SEZ6L: variants seen among roughly 807,000 people sequenced by gnomAD.
The protein encoded by SEZ6L is seizure related 6 homolog like, also known as seizure 6-like protein.
A neutral mutation model predicts 106.2 loss-of-function variants in SEZ6L; 37 were observed. The ratio of observed to expected loss-of-function variants is 0.35; its 90% CI spans 0.27 to 0.46. SEZ6L has a LOEUF of 0.46. SEZ6L is among the 20% of genes least tolerant of loss of function. SEZ6L has a pLI of 1.00. For synonymous variants in SEZ6L, 541 were observed against 570.4 expected (o/e 0.95, Z 0.73); for missense variants, 1,172 against 1,332.8 (o/e 0.88, Z 1.88).
At chr22:26,262,744 C>T (rs1014634998) in intron 1 of SEZ6L, among the ~76,000 whole-genome samples, 2 of 152,054 alleles carry the variant, frequency 1.3e-5, no homozygotes, top group Admixed American at 6.5e-5. Context: ...GTGCATGGGT[C>T]GATGGGGGAG....
intron 1 of SEZ6L, among the ~76,000 whole-genome samples, chr22:26,193,095 A>G (rs550013115): frequency 2.6e-5 from 4 of 152,074 alleles, no homozygotes; most frequent in Non-Finnish European, 5.9e-5. Context: ...CATTGGGAAC[A>G]TTTTTTTTCC....
chr22:26,338,838 G>T (rs1395890050), intron 9 of SEZ6L, among the ~76,000 whole-genome samples: 1 of 133,708 alleles, frequency 7.5e-6, no homozygotes, highest in African/African-American at 2.7e-5. Flanking sequence ...TTATAGGCGT[G>T]AGCCACCACG....
chr22:26,304,362 AAAGAAAG>A (rs1312171119), intron 5 of SEZ6L, among the ~76,000 whole-genome samples: 4 of 127,816 alleles, frequency 3.1e-5, no homozygotes, highest in South Asian at 5.2e-4. Flanking sequence ...AAAAAAAAAA[AAAGAAAG>A]AAGAAAGAAA....
In SEZ6L at chr22:26,294,436, G is replaced by T. The variant is rs1247147811; in HGVS notation, c.969+11G>T. On this transcript the variant is annotated intron_variant, in intron 3 of 16. Transcript: ENST00000248933. ...GGGGTGGAGCTCCAGGTAACCCCAG[G>T]AGAGTACCTCACAGAGGCTGCCTCG... 1.9e-6 allele frequency: 3 copies of T among 1,613,138 alleles called. No individual in the cohort carries two copies. The highest frequency in any genetic ancestry group is 4.5e-5 in the East Asian group (2 of 44,854).
intron 6 of SEZ6L, 26 bp downstream of exon 6, chr22:26,306,170 ACCCCGTTTCTT>A (rs1569455478): frequency 6.2e-7 from 1 of 1,606,172 alleles, no homozygotes. Flanking sequence ...TCCACACCCA[ACCCCGTTTCTT>A]CCCAGAATAT....
chr22:26,291,613 T>C, intron 1 of SEZ6L, among the ~76,000 whole-genome samples: 1 of 152,104 alleles, frequency 6.6e-6, no homozygotes, highest in Non-Finnish European at 1.5e-5. Flanking sequence ...AATTTAAATT[T>C]AAAAAAACTC....
Position 26,265,823 on chromosome 22 carries a change from G to A in SEZ6L, c.95-26583G>A, listed in dbSNP as rs577357480. On this transcript the variant is annotated intron_variant, in intron 1 of 16. Transcript: ENST00000248933. The stretch of plus-strand genomic sequence containing the variant: ...GCCTTTGATGTCCTAGGAGCAGATA[G>A]GGAGGTGAGGATCATTCCCAACCTC... Among the ~76,000 whole-genome samples the A allele has an allele frequency of 2.6e-5, 4 of 152,304 alleles. No homozygotes were observed. In the East Asian group the frequency reaches 5.8e-4, roughly 22 times the overall value.
intron 1 of SEZ6L, among the ~76,000 whole-genome samples, chr22:26,233,529 C>T (rs1349486316): frequency 6.6e-6 from 1 of 152,220 alleles, no homozygotes; most frequent in East Asian, 1.9e-4. Context: ...GCTCATTTTA[C>T]AGATGAGGAA....
At chr22:26,242,102 A>G (rs1020920191) in intron 1 of SEZ6L, among the ~76,000 whole-genome samples, 5 of 152,238 alleles carry the variant, frequency 3.3e-5, no homozygotes, top group African/African-American at 1.2e-4. Context: ...AACAGCTGTC[A>G]GTGAAGCTGG....
chr22:26,305,756 G>T (rs2145912592), intron 5 of SEZ6L, among the ~76,000 whole-genome samples: 1 of 152,270 alleles, frequency 6.6e-6, no homozygotes, highest in Middle Eastern at 3.4e-3. Context: ...TGTCAAACAG[G>T]ATTCCCTCCC....
At chr22:26,231,962 C>T (rs1391932168) in intron 1 of SEZ6L, among the ~76,000 whole-genome samples, 1 of 152,128 alleles carries the variant, frequency 6.6e-6, no homozygotes, top group African/African-American at 2.4e-5. Flanking sequence ...GGGAAGGCTA[C>T]CTGCCCTGGG....
chr22:26,268,337 G>A (rs1419971183), intron 1 of SEZ6L, among the ~76,000 whole-genome samples: 2 of 152,150 alleles, frequency 1.3e-5, no homozygotes, highest in Non-Finnish European at 2.9e-5. Flanking sequence ...GTGATAAGAG[G>A]CATCTTGTTT....
chr22:26,348,777 A>AGGAGAGGGAAGGGAGGGGAGGGAG (rs1556372148), intron 11 of SEZ6L, among the ~76,000 whole-genome samples: 1 of 4,566 alleles, frequency 2.2e-4, no homozygotes. Flanking sequence ...AGGGGAGGGA[A>AGGAGAGGGAAGGGAGGGGAGGGAG]GGGGAGGGAA....
chr22:26,243,530 G>C (rs2079211081), intron 1 of SEZ6L, among the ~76,000 whole-genome samples: 1 of 152,178 alleles, frequency 6.6e-6, no homozygotes, highest in Non-Finnish European at 1.5e-5. Flanking sequence ...AAAAGTCCAG[G>C]GTGCTGGATC....
chr22:26,345,968 G>A (rs956835671), intron 10 of SEZ6L, among the ~76,000 whole-genome samples: 1 of 152,048 alleles, frequency 6.6e-6, no homozygotes, highest in African/African-American at 2.4e-5. Context: ...CTAATGATAT[G>A]CAATTGGATT....
chr22:26,178,148 G>T (rs1251580493), intron 1 of SEZ6L, among the ~76,000 whole-genome samples: 2 of 152,214 alleles, frequency 1.3e-5, no homozygotes. Context: ...ACATTATGTG[G>T]CCATGGAAGA....
chr22:26,321,601 C>T (rs1569462227), intron 9 of SEZ6L, among the ~76,000 whole-genome samples: 1 of 152,232 alleles, frequency 6.6e-6, no homozygotes, highest in Non-Finnish European at 1.5e-5. Flanking sequence ...AAAATAGCAT[C>T]TCAACAGCCA....
intron 1 of SEZ6L, among the ~76,000 whole-genome samples, chr22:26,252,094 G>T (rs541448426): frequency 6.6e-6 from 1 of 152,182 alleles, no homozygotes; most frequent in Non-Finnish European, 1.5e-5. Flanking sequence ...GAGCTAGTTA[G>T]AAATGCAGAC....
chr22:26,290,069 G>A (rs1476725303), intron 1 of SEZ6L, among the ~76,000 whole-genome samples: 4 of 152,208 alleles, frequency 2.6e-5, no homozygotes, highest in African/African-American at 9.6e-5. Context: ...CTGAATGATG[G>A]CAACCCCAGG....
Sources: gnomAD v4.1 joint callset for allele counts (sites outside exome capture counted in the v4.1 genomes callset) on GRCh38, gnomAD v4.1.1 for gene constraint, MANE v1.5 for transcripts, NCBI Gene and HGNC (gene_info 2026-07-23, HGNC 2026-07-21) for gene names.